CYP2J2: variants seen among roughly 807,000 people sequenced by gnomAD.
The protein encoded by CYP2J2 is cytochrome P450 family 2 subfamily J member 2.
Under a neutral mutation model 48.8 loss-of-function variants are expected in CYP2J2, and 41 were observed. The ratio of observed to expected loss-of-function variants is 0.84; its 90% confidence interval spans 0.66 to 1.09. The LOEUF is 1.09. CYP2J2 is among the 50% of genes least tolerant of loss of function. The pLI, the probability that CYP2J2 is intolerant of heterozygous loss-of-function variation, is 0.00. For synonymous variants in CYP2J2, 221 were observed against 227.1 expected, an observed-to-expected ratio of 0.97 and a Z score of 0.24; for missense variants, 644 against 617.3, an observed-to-expected ratio of 1.04 and a Z score of -0.46.
chr1:59,942,464 G>C, the CYP2J2 span, among the ~76,000 whole-genome samples: 1 of 152,098 alleles, frequency 6.6e-6, no homozygotes, highest in East Asian at 1.9e-4. Context: ...GGGAGGAGTG[G>C]GGCAATGTTT....
At chr1:59,966,950 TTTAGA>T in the CYP2J2 span, among the ~76,000 whole-genome samples, 1 of 151,502 alleles carries the variant, frequency 6.6e-6, no homozygotes, top group Admixed American at 6.5e-5. Context: ...GCACAAGTTC[TTTAGA>T]TTAAGGAAAT....
At chr1:59,951,093 C>G in the CYP2J2 span, among the ~76,000 whole-genome samples, 1 of 152,138 alleles carries the variant, frequency 6.6e-6, no homozygotes, top group South Asian at 2.1e-4. Flanking sequence ...GGAATTGTGG[C>G]CACTTTTGAA....
At chr1:59,935,000 A>G in the CYP2J2 span, among the ~76,000 whole-genome samples, 1 of 46,380 alleles carries the variant, frequency 2.2e-5, no homozygotes, top group South Asian at 5.2e-4. Flanking sequence ...ATATATATAT[A>G]TATATATATA....
the CYP2J2 span, among the ~76,000 whole-genome samples, chr1:59,943,554 T>A: frequency 6.6e-6 from 1 of 152,180 alleles, no homozygotes; most frequent in Non-Finnish European, 1.5e-5. Flanking sequence ...TGGTCTGTAG[T>A]TGAAGTTTAG....
chr1:59,949,451 C>G, the CYP2J2 span, among the ~76,000 whole-genome samples: 1 of 152,038 alleles, frequency 6.6e-6, no homozygotes, highest in African/African-American at 2.4e-5. Context: ...ATATTTTTGA[C>G]TTATTTGTAT....
chr1:59,894,986 A>G (rs1026915330), intron 8 of CYP2J2, among the ~76,000 whole-genome samples: 2 of 152,232 alleles, frequency 1.3e-5, no homozygotes, highest in African/African-American at 4.8e-5. Context: ...AGAGATAGAC[A>G]AAGAACTTGG....
At chr1:59,916,627 G>T (rs754986889) in intron 1 of CYP2J2, among the ~76,000 whole-genome samples, 3 of 152,170 alleles carry the variant, frequency 2.0e-5, no homozygotes, top group Non-Finnish European at 4.4e-5. Flanking sequence ...CAGCTACTCA[G>T]GAGGCTGAGG....
chr1:59,958,992 T>C, the CYP2J2 span, among the ~76,000 whole-genome samples: 1 of 152,192 alleles, frequency 6.6e-6, no homozygotes. Flanking sequence ...TTAGATTCTA[T>C]GACCTGTAAT....
the CYP2J2 span, among the ~76,000 whole-genome samples, chr1:59,933,109 C>A: frequency 6.6e-6 from 1 of 152,192 alleles, no homozygotes; most frequent in South Asian, 2.1e-4. Flanking sequence ...CAGAAAAATT[C>A]TATTATAAGG....
chr1:59,962,656 A>C, the CYP2J2 span, among the ~76,000 whole-genome samples: 1 of 152,230 alleles, frequency 6.6e-6, no homozygotes, highest in Admixed American at 6.5e-5. Context: ...ACATAGTCAT[A>C]ATGTTATAAT....
intron 5 of CYP2J2, among the ~76,000 whole-genome samples, chr1:59,908,529 C>G (rs1574251986): frequency 6.6e-6 from 1 of 152,230 alleles, no homozygotes; most frequent in East Asian, 1.9e-4. Flanking sequence ...TCATGATACT[C>G]TGTCATCTTT....
chr1:59,958,215 C>T, the CYP2J2 span, among the ~76,000 whole-genome samples: 1 of 152,170 alleles, frequency 6.6e-6, no homozygotes, highest in African/African-American at 2.4e-5. Context: ...CTTAGATCTT[C>T]CCACATTATC....
At chr1:59,930,746 GA>G (rs1644598972), upstream of CYP2J2, among the ~76,000 whole-genome samples, 1 of 151,476 alleles carries the variant, frequency 6.6e-6, no homozygotes, top group African/African-American at 2.4e-5. Context: ...TTAAATGAAG[GA>G]AAAAACAGCT....
rs1644351557 is a variant in CYP2J2 at position 59,904,864 on chromosome 1, T to A, written c.1191+7A>T. 2.5e-6 allele frequency: 4 copies of A among 1,611,306 alleles called. No individual in the cohort carries two copies. Among genetic ancestry groups the A allele is most frequent in the South Asian group, 1.1e-5 (1 of 90,408 alleles). ...TAAAAGATGGGCTTGAAGATCTGCTTAATTACCTTGGGCAGGTGGTACCCA... is the reference window on the plus strand; with the variant it reads ...TAAAAGATGGGCTTGAAGATCTGCTAAATTACCTTGGGCAGGTGGTACCCA... On this transcript the variant is annotated splice_region_variant and intron_variant, in intron 7 of 8. Coordinates refer to ENST00000371204, the MANE Select transcript of CYP2J2 (RefSeq NM_000775.4).
the CYP2J2 span, among the ~76,000 whole-genome samples, chr1:59,951,828 T>C: frequency 6.6e-6 from 1 of 152,180 alleles, no homozygotes; most frequent in East Asian, 1.9e-4. Flanking sequence ...TGTAATACCA[T>C]ATCTTTGGCT....
the CYP2J2 span, among the ~76,000 whole-genome samples, chr1:59,935,741 T>C: frequency 3.6e-4 from 55 of 152,308 alleles, no homozygotes; most frequent in Admixed American, 3.5e-3. Context: ...ATCATCAGGA[T>C]GTCAGTCTGA....
the CYP2J2 span, among the ~76,000 whole-genome samples, chr1:59,957,028 C>A: frequency 6.6e-6 from 1 of 152,202 alleles, no homozygotes; most frequent in Non-Finnish European, 1.5e-5. Context: ...CCCATCATGC[C>A]TGTTCCAGTA....
At chr1:59,953,717 A>G in the CYP2J2 span, among the ~76,000 whole-genome samples, 3 of 152,184 alleles carry the variant, frequency 2.0e-5, no homozygotes, top group Non-Finnish European at 2.9e-5. Flanking sequence ...AGAGAGGGGA[A>G]GCATTGCAAA....
At chr1:59,908,110 GC>G (rs1393731026) in intron 5 of CYP2J2, among the ~76,000 whole-genome samples, 183 bp from the exon 6 acceptor site, 1 of 152,148 alleles carries the variant, frequency 6.6e-6, no homozygotes, top group Non-Finnish European at 1.5e-5. Flanking sequence ...GCATTGTCCT[GC>G]CCCAAGTGCT....
Sources: gnomAD v4.1 joint callset for allele counts (sites outside exome capture counted in the v4.1 genomes callset) on GRCh38, gnomAD v4.1.1 for gene constraint, MANE v1.5 for transcripts, NCBI Gene and HGNC (gene_info 2026-07-23, HGNC 2026-07-21) for gene names.